RWDD2A: variants seen among roughly 807,000 people sequenced by gnomAD.
The protein encoded by RWDD2A is RWD domain containing 2A, also known as RWD domain-containing protein 2A.
RWDD2A carries 15 observed loss-of-function variants against 23.1 expected under a neutral mutation model. The ratio of observed to expected loss-of-function variants is 0.65; its 90% CI spans 0.43 to 1.00. RWDD2A has a LOEUF of 1.00. Ranked by LOEUF, RWDD2A falls within the 50% of genes least tolerant of loss-of-function variation. The pLI is 0.00. For missense variants in RWDD2A, 310 were observed against 341.7 expected (o/e 0.91, Z 0.73); for synonymous variants, 103 against 123.0 (o/e 0.84, Z 1.08).
chr6:83,193,918 G>C (rs368386499), intron 1 of RWDD2A: 7 of 153,380 alleles, frequency 4.6e-5, no homozygotes, highest in African/African-American at 1.7e-4. Flanking sequence ...CGGTGTTGGG[G>C]GGGGGCGGTC....
intron 1 of RWDD2A, chr6:83,193,711 C>A (rs904992066): frequency 2.0e-5 from 3 of 153,028 alleles, no homozygotes; most frequent in African/African-American, 7.2e-5. Context: ...GAGGTCATCT[C>A]CCAAACCTTT....
At position 83,195,697 on chromosome 6, in the gene RWDD2A, C is replaced by G. The variant is rs759572231; in HGVS notation, c.304C>G (p.Leu102Val). ...SELDRHQQLLLNKGLTSYIGT... is the reference protein window; with the variant it reads ...SELDRHQQLLVNKGLTSYIGT... ...ACTTGACAGACATCAGCAGCTACTT[C>G]TCAACAAAGGTCTCACTTCTTACAT... The change falls in exon 3 of 3, where the codon CTC (leucine) becomes GTC (valine). Residue 102 changes from leucine to valine, a missense_variant. Transcript: ENST00000369724. 1 of 1,614,172 alleles carries G rather than the reference C, an allele frequency of 6.2e-7. No homozygotes were observed. The highest frequency in any genetic ancestry group is 1.3e-5 in the African/African-American group (1 of 75,026).
rs1789676939 is a variant in RWDD2A at position 83,198,471 on chromosome 6, C to G, written c.*2199C>G. The G allele has an allele frequency of 6.6e-6, 1 of 152,026 alleles. No individual in the cohort carries two copies. The highest frequency in any genetic ancestry group is 2.4e-5 in the African/African-American group (1 of 41,368). The allele number at this position is 152,026 out of a possible 1,614,324, so 9.4% of individuals were successfully genotyped here. A position where few individuals can be genotyped will look rare whatever the true frequency, so the allele number is the denominator to read the frequency against. ...AGAAAAAAAAAGTACATGTATAATTCAAAACTCAACTTTGTATGTATAGGA... is the reference window on the plus strand; with the variant it reads ...AGAAAAAAAAAGTACATGTATAATTGAAAACTCAACTTTGTATGTATAGGA... On this transcript the variant is annotated 3_prime_UTR_variant, in exon 3 of 3. Transcript: ENST00000369724.
chr6:83,196,264 G>C lies in RWDD2A; in HGVS notation c.871G>C (p.Asp291His). The C allele has an allele frequency of 6.4e-7, 1 of 1,553,928 alleles. No individual in the cohort carries two copies. The highest frequency in any genetic ancestry group is 8.7e-7 in the Non-Finnish European group (1 of 1,154,028). The change falls in exon 3 of 3, where the codon GAC becomes CAC. Residue 291 changes from aspartate (D) to histidine (H), a missense_variant. Coordinates refer to ENST00000369724, the MANE Select transcript of RWDD2A (RefSeq NM_033411.5). ...ILFGIESKSS[D>H]S ...ATTTGGTATTGAAAGCAAAAGTTCA[G>C]ACTCATAAAAAGCGATTAAGAGGCC...
chr6:83,194,652 G>C lies in RWDD2A; in HGVS notation c.201G>C (p.Lys67Asn). ...FVITLQIEEP[K>N]VKIDLQVTMP... ...TTACACTCCAGATTGAAGAGCCCAA[G>C]GTAGGTACCCTGATTTAAGTGTTTG... The change falls in exon 2 of 3, where the codon AAG becomes AAC. Residue 67 changes from lysine (K) to asparagine (N), a missense_variant and splice_region_variant. By Grantham distance (94) the Lys-to-Asn change is moderately conservative. Transcript: ENST00000369724. The C allele has an allele frequency of 6.2e-7, 1 of 1,613,182 alleles. No individual in the cohort carries two copies. Among genetic ancestry groups the C allele is most frequent in the Non-Finnish European group, 8.5e-7 (1 of 1,179,472 alleles).
chr6:83,195,549 T>G, intron 2 of RWDD2A, 46 bp from the exon 3 acceptor site: 1 of 1,504,554 alleles, frequency 6.6e-7, no homozygotes, highest in South Asian at 1.2e-5. Flanking sequence ...ATAAACTAGC[T>G]TATGTGATGT....
rs1180178 is a variant in RWDD2A, at chr6:83,193,907, G to C, written c.-140-405G>C. The C allele has an allele frequency of 0.29, 44,356 of 153,298 alleles. 7,287 individuals carry two copies. Among genetic ancestry groups the C allele is most frequent in the African/African-American group, 0.44 (18,312 of 41,250 alleles). The allele number at this position is 153,298 out of a possible 1,614,324, so 9.5% of individuals were successfully genotyped here. A position where few individuals can be genotyped will look rare whatever the true frequency, so the allele number is the denominator to read the frequency against. On this transcript the variant is annotated intron_variant, in intron 1 of 2. Transcript: ENST00000369724. ...ATGCGGCCCAAGCGAAAAGGCCACC[G>C]CGGTGTTGGGGGGGGGCGGTCCGCG...
At position 83,198,516 on chromosome 6, in the gene RWDD2A, A is replaced by C. The variant is rs1162195752; in HGVS notation, c.*2244A>C. On this transcript the variant is annotated 3_prime_UTR_variant, in exon 3 of 3. Coordinates refer to ENST00000369724, the MANE Select transcript of RWDD2A (RefSeq NM_033411.5). ...ATAGGAGTCTGCTGGTTGTTTGCAC[A>C]GCCTGATATGAGCACATAATAAAAG... 1.3e-5 allele frequency: 2 copies of C among 152,202 alleles called. No homozygotes were observed. Among genetic ancestry groups the C allele is most frequent in the Non-Finnish European group, 2.9e-5 (2 of 68,040 alleles). The allele number at this position is 152,202 out of a possible 1,614,324, so 9.4% of individuals were successfully genotyped here. A position where few individuals can be genotyped will look rare whatever the true frequency, so the allele number is the denominator to read the frequency against.
chr6:83,196,472 C>G lies in RWDD2A; in HGVS notation c.*200C>G, dbSNP rs2295091. The G allele has an allele frequency of 3.2e-3, 1,156 of 358,236 alleles. 14 individuals are homozygous for G. The highest frequency in any genetic ancestry group is 0.021 in the African/African-American group (982 of 47,862). The allele number at this position is 358,236 out of a possible 1,614,324, so 22.2% of individuals were successfully genotyped here. On this transcript the variant is annotated 3_prime_UTR_variant, in exon 3 of 3. Transcript: ENST00000369724. ...TAACATTGCAATTGTGATGTTATCTCTAGGTTTTTGTGTGAAGTCATTCAA... is the reference window on the plus strand; with the variant it reads ...TAACATTGCAATTGTGATGTTATCTGTAGGTTTTTGTGTGAAGTCATTCAA...
In RWDD2A at chr6:83,197,873, T is replaced by C. The variant is rs763352312; in HGVS notation, c.*1601T>C. The C allele has an allele frequency of 3.3e-5, 5 of 152,292 alleles. No individual in the cohort carries two copies. The highest frequency in any genetic ancestry group is 3.3e-4 in the Admixed American group (5 of 15,296). The allele number at this position is 152,292 out of a possible 1,614,324, so 9.4% of individuals were successfully genotyped here. On this transcript the variant is annotated 3_prime_UTR_variant, in exon 3 of 3. Coordinates refer to ENST00000369724, the MANE Select transcript of RWDD2A (RefSeq NM_033411.5). ...CTCTTTCTTCTTAGGTCACAATGAG[T>C]GTCCTCTCAGGGCACAACTCAGATC...
At position 83,196,599 on chromosome 6, in the gene RWDD2A, C is replaced by G; in HGVS notation, c.*327C>G. On this transcript the variant is annotated 3_prime_UTR_variant, in exon 3 of 3. Transcript: ENST00000369724. The stretch of plus-strand genomic sequence containing the variant: ...CCCATAACTAACATCAAAAATCAAA[C>G]TGCAATTATGAATTGAGAAATATGA... 1 of 173,158 alleles carries G rather than the reference C, an allele frequency of 5.8e-6. No homozygotes were observed. Among genetic ancestry groups the G allele is most frequent in the Non-Finnish European group, 1.2e-5 (1 of 82,382 alleles). The allele number at this position is 173,158 out of a possible 1,614,324, so 10.7% of individuals were successfully genotyped here.
Position 83,194,629 on chromosome 6 carries a change from AC to A in RWDD2A, c.179del (p.Thr60AsnfsTer9). ...GCCACCAAAAATCGAATTTGTAATTACACTCCAGATTGAAGAGCCCAAGGTA... is the reference window on the plus strand; with the variant it reads ...GCCACCAAAAATCGAATTTGTAATTAACTCCAGATTGAAGAGCCCAAGGTA... Reference protein sequence around the residue: ...ALPPKIEFVITLQIEEPKVKI... With the variant: ...ALPPKIEFVIXLQIEEPKVKI... On this transcript the variant is annotated frameshift_variant, in exon 2 of 3. Transcript: ENST00000369724. LOFTEE classifies it high-confidence loss of function. The A allele has an allele frequency of 1.2e-6, 2 of 1,614,246 alleles. No homozygotes were observed. The highest frequency in any genetic ancestry group is 1.7e-6 in the Non-Finnish European group (2 of 1,180,032).
intron 2 of RWDD2A, among the ~76,000 whole-genome samples, chr6:83,195,108 G>A (rs554455739): frequency 7.2e-5 from 11 of 152,310 alleles, no homozygotes; most frequent in African/African-American, 2.4e-4. Flanking sequence ...AGCAACATTA[G>A]CATAGCATAG....
rs773518394 is a variant in RWDD2A, at chr6:83,196,281, T to G, written c.*9T>G. The G allele has an allele frequency of 6.5e-7, 1 of 1,528,490 alleles. No individual in the cohort carries two copies. Among genetic ancestry groups the G allele is most frequent in the Non-Finnish European group, 8.8e-7 (1 of 1,141,352 alleles). The allele number at this position is 1,528,490 out of a possible 1,614,324, so 94.7% of individuals were successfully genotyped here. On this transcript the variant is annotated 3_prime_UTR_variant, in exon 3 of 3. Coordinates refer to ENST00000369724, the MANE Select transcript of RWDD2A (RefSeq NM_033411.5). ...AAAGTTCAGACTCATAAAAAGCGAT[T>G]AAGAGGCCTATGCCTGTAATTTCAC...
chr6:83,196,982 AG>A lies in RWDD2A; in HGVS notation c.*711del, dbSNP rs1789613298. On this transcript the variant is annotated 3_prime_UTR_variant, in exon 3 of 3. Transcript: ENST00000369724. ...ATTACAGGTGTGAGCCACCGCGCCC[AG>A]CCCGTTTACTTCATTTCTTACTTTA... 6.6e-6 allele frequency: 1 copy of A among 152,220 alleles called. No homozygotes were observed. Among genetic ancestry groups the A allele is most frequent in the African/African-American group, 2.4e-5 (1 of 41,460 alleles). 9.4% of individuals were successfully genotyped at this position (152,220 alleles called of 1,614,324 possible).
Position 83,196,281 on chromosome 6 carries a change from T to C in RWDD2A, c.*9T>C, listed in dbSNP as rs773518394. The C allele has an allele frequency of 6.5e-7, 1 of 1,528,372 alleles. No individual in the cohort carries two copies. The highest frequency in any genetic ancestry group is 8.8e-7 in the Non-Finnish European group (1 of 1,141,360). 94.7% of individuals were successfully genotyped at this position (1,528,372 alleles called of 1,614,324 possible). ...AAAGTTCAGACTCATAAAAAGCGAT[T>C]AAGAGGCCTATGCCTGTAATTTCAC... On this transcript the variant is annotated 3_prime_UTR_variant, in exon 3 of 3. Coordinates refer to ENST00000369724, the MANE Select transcript of RWDD2A (RefSeq NM_033411.5).
rs1393127626 is a variant in RWDD2A, at chr6:83,195,953, G to A, written c.560G>A (p.Cys187Tyr). The A allele has an allele frequency of 1.9e-6, 3 of 1,614,108 alleles. No individual in the cohort carries two copies. Among genetic ancestry groups the A allele is most frequent in the Non-Finnish European group, 2.5e-6 (3 of 1,180,064 alleles). ...AAAAGGTTAGATGTGACTGGATTTT[G>A]CATGACAGGAAAGCCTGGTATAATC... Reference protein sequence around the residue: ...VGKRLDVTGFCMTGKPGIICV... With the variant: ...VGKRLDVTGFYMTGKPGIICV... The change falls in exon 3 of 3, where the codon TGC becomes TAC. Residue 187 changes from cysteine (C) to tyrosine (Y), a missense_variant. Physicochemically the swap from Cys to Tyr is radical, Grantham distance 194. Coordinates refer to ENST00000369724, the MANE Select transcript of RWDD2A (RefSeq NM_033411.5).
Position 83,194,444 on chromosome 6 carries a change from G to A in RWDD2A, c.-8G>A, listed in dbSNP as rs1238932490. 6.2e-7 allele frequency: 1 copy of A among 1,612,894 alleles called. No homozygotes were observed. The highest frequency in any genetic ancestry group is 1.1e-5 in the South Asian group (1 of 90,916). On this transcript the variant is annotated 5_prime_UTR_variant, in exon 2 of 3. Transcript: ENST00000369724. Reference sequence around the variant, plus strand: ...TGAGGTTTCCAGGCAGGCTGATTGCGAGGCAACATGTCTGCTTCGGTGAAA... The same window carrying A: ...TGAGGTTTCCAGGCAGGCTGATTGCAAGGCAACATGTCTGCTTCGGTGAAA...
At position 83,195,821 on chromosome 6, in the gene RWDD2A, AACCATCT is replaced by A. The variant is rs1789564701; in HGVS notation, c.431_437del (p.Pro144HisfsTer25). The A allele has an allele frequency of 6.2e-7, 1 of 1,613,920 alleles. No homozygotes were observed. Among genetic ancestry groups the A allele is most frequent in the Non-Finnish European group, 8.5e-7 (1 of 1,179,980 alleles). ...TTCCTGAACAGAAAGCTTGTATATG[AACCATCT>A]ACACAAGCAAAGCCAGTCAAGAACA... is the stretch of plus-strand genomic sequence containing the variant. On this transcript the variant is annotated frameshift_variant, in exon 3 of 3. Transcript: ENST00000369724. LOFTEE classifies it high-confidence loss of function.
Sources: gnomAD v4.1 joint callset for allele counts (sites outside exome capture counted in the v4.1 genomes callset) on GRCh38, gnomAD v4.1.1 for gene constraint, MANE v1.5 for transcripts, NCBI Gene and HGNC (gene_info 2026-07-23, HGNC 2026-07-21) for gene names.